Variants in SHISA9 observed in about 807,000 individuals in gnomAD.
SHISA9 encodes protein shisa-9.
A neutral mutation model predicts 38.0 loss-of-function variants in SHISA9; 13 were observed. That is an observed-to-expected ratio of 0.34 (90% CI 0.22 to 0.54). The LOEUF (loss-of-function observed/expected upper bound fraction) is 0.54. SHISA9 is among the 20% of genes least tolerant of loss of function. The pLI, the probability that SHISA9 is intolerant of heterozygous loss-of-function variation, is 0.91. For missense variants in SHISA9, 538 were observed against 575.8 expected (o/e 0.93, Z 0.67); for synonymous variants, 275 against 242.0 (o/e 1.14, Z -1.27).
chr16:13,040,482 C>T (rs2073121046), intron 2 of SHISA9, among the ~76,000 whole-genome samples: 2 of 152,222 alleles, frequency 1.3e-5, no homozygotes, highest in Non-Finnish European at 2.9e-5. Context: ...CCCTGCCAGT[C>T]TCTTTCTTTT....
At chr16:13,136,191 C>G (rs2050346443) in intron 2 of SHISA9, among the ~76,000 whole-genome samples, 1 of 152,088 alleles carries the variant, frequency 6.6e-6, no homozygotes, top group South Asian at 2.1e-4. Flanking sequence ...AGCTCTTCAT[C>G]TACTACCTGA....
chr16:13,276,023 C>G, the SHISA9 span, among the ~76,000 whole-genome samples: 1 of 151,968 alleles, frequency 6.6e-6, no homozygotes. Flanking sequence ...GTGCACCCAT[C>G]ATGCGAGCAG....
intron 2 of SHISA9, among the ~76,000 whole-genome samples, chr16:12,973,082 C>T (rs1175447753): frequency 2.0e-5 from 3 of 152,204 alleles, no homozygotes. Flanking sequence ...TGCCGCTGTA[C>T]TCCAGCCTGG....
At chr16:13,460,556 T>C in the SHISA9 span, among the ~76,000 whole-genome samples, 4 of 152,158 alleles carry the variant, frequency 2.6e-5, no homozygotes, top group African/African-American at 9.7e-5. Context: ...AGTTTTCTAG[T>C]AGTTTGTGTT....
At chr16:13,370,981 T>G in the SHISA9 span, among the ~76,000 whole-genome samples, 1 of 152,228 alleles carries the variant, frequency 6.6e-6, no homozygotes, top group African/African-American at 2.4e-5. Context: ...CAAATAAATT[T>G]GAATTCCAGC....
At chr16:12,911,098 C>A in intron 1 of SHISA9, 1 of 227,136 alleles carries the variant, frequency 4.4e-6, no homozygotes, top group Non-Finnish European at 7.3e-6. Context: ...ATGACACTAA[C>A]CATCACAGTA....
intron 2 of SHISA9, among the ~76,000 whole-genome samples, chr16:13,041,532 C>T (rs941402504): frequency 2.6e-5 from 4 of 152,328 alleles, no homozygotes; most frequent in Admixed American, 2.0e-4. Flanking sequence ...ACCAGCCACT[C>T]AAGTTGGACT....
intron 2 of SHISA9, among the ~76,000 whole-genome samples, chr16:12,955,028 A>T (rs1163278619): frequency 6.6e-6 from 1 of 151,910 alleles, no homozygotes; most frequent in African/African-American, 2.4e-5. Context: ...TTAATAGATG[A>T]CAAAACTGAA....
At chr16:13,544,274 C>G in the SHISA9 span, among the ~76,000 whole-genome samples, 2 of 148,362 alleles carry the variant, frequency 1.3e-5, no homozygotes, top group Non-Finnish European at 1.5e-5. Context: ...GTATCTTTAT[C>G]TATATATCTT....
the SHISA9 span, among the ~76,000 whole-genome samples, chr16:13,434,419 G>GTTTTTTTTTGTTTTTTTTTTTTTTTTT: frequency 1.5e-5 from 1 of 64,566 alleles, no homozygotes; most frequent in Non-Finnish European, 3.2e-5. Context: ...GACAAGCTAT[G>GTTTTTTTTTGTTTTTTTTTTTTTTTTT]TTTTTTTTTT....
chr16:13,315,675 G>A, the SHISA9 span, among the ~76,000 whole-genome samples: 5 of 152,220 alleles, frequency 3.3e-5, no homozygotes, highest in African/African-American at 1.2e-4. Context: ...ATGGTAGTGA[G>A]AATTAAATAA....
the SHISA9 span, among the ~76,000 whole-genome samples, chr16:13,387,452 A>C: frequency 6.6e-6 from 1 of 151,990 alleles, no homozygotes; most frequent in Admixed American, 6.6e-5. Flanking sequence ...AGCTACTGGA[A>C]GCTGAAAGGA....
At chr16:13,071,981 T>C (rs558852871) in intron 2 of SHISA9, among the ~76,000 whole-genome samples, 1 of 152,242 alleles carries the variant, frequency 6.6e-6, no homozygotes, top group African/African-American at 2.4e-5. Flanking sequence ...TCTTCCCAAA[T>C]CGCCTAGGGC....
At chr16:13,112,815 G>C (rs924303268) in intron 2 of SHISA9, among the ~76,000 whole-genome samples, 1 of 152,056 alleles carries the variant, frequency 6.6e-6, no homozygotes, top group Non-Finnish European at 1.5e-5. Context: ...GATGGCCAAA[G>C]AATGTGTGGG....
the SHISA9 span, among the ~76,000 whole-genome samples, chr16:13,528,333 G>A: frequency 6.6e-6 from 1 of 151,896 alleles, no homozygotes; most frequent in African/African-American, 2.4e-5. Context: ...AAGAGCATCA[G>A]AGCAGCCAAT....
the SHISA9 span, among the ~76,000 whole-genome samples, chr16:13,415,353 A>G: frequency 6.6e-6 from 1 of 152,218 alleles, no homozygotes; most frequent in Non-Finnish European, 1.5e-5. Flanking sequence ...CAAATACCAC[A>G]TGTTCTCACT....
chr16:13,298,697 G>A, the SHISA9 span, among the ~76,000 whole-genome samples: 15 of 152,210 alleles, frequency 9.9e-5, no homozygotes, highest in East Asian at 2.5e-3. Flanking sequence ...GTCAGAGTTC[G>A]CCCTGTCAAA....
At chr16:13,033,252 T>G (rs2073013333) in intron 2 of SHISA9, among the ~76,000 whole-genome samples, 1 of 152,032 alleles carries the variant, frequency 6.6e-6, no homozygotes, top group East Asian at 1.9e-4. Flanking sequence ...AGGGTGAAAA[T>G]GGACTGATGA....
At chr16:13,461,835 G>A in the SHISA9 span, among the ~76,000 whole-genome samples, 7 of 151,478 alleles carry the variant, frequency 4.6e-5, no homozygotes, top group African/African-American at 1.2e-4. Flanking sequence ...GGATGGTCTC[G>A]ATCTCCTGAC....
Sources: allele counts gnomAD v4.1 joint callset (sites outside exome capture counted in the v4.1 genomes callset), GRCh38; gene constraint gnomAD v4.1.1; transcripts MANE v1.5; gene names NCBI Gene and HGNC (gene_info 2026-07-23, HGNC 2026-07-21).